The following LARGE1 variants were observed in gnomAD, a reference collection of about 807,000 sequenced individuals.
LARGE1 encodes the protein xylosyl- and glucuronyltransferase LARGE1.
LARGE1 carries 43 observed loss-of-function variants against 87.6 expected under a neutral mutation model. That is an observed-to-expected ratio of 0.49 (90% CI 0.38 to 0.63). The LOEUF is 0.63. Ranked by LOEUF, LARGE1 falls within the 30% of genes least tolerant of loss-of-function variation. The pLI, the probability that LARGE1 is intolerant of heterozygous loss-of-function variation, is 0.00. For missense variants in LARGE1, 802 were observed against 1,000.2 expected (o/e 0.80, Z 2.67); for synonymous variants, 434 against 394.6 (o/e 1.10, Z -1.18).
the LARGE1 span, among the ~76,000 whole-genome samples, chr22:33,097,453 G>A: frequency 1.3e-5 from 2 of 152,186 alleles, no homozygotes; most frequent in Admixed American, 6.5e-5. Flanking sequence ...GCCGTAAGGT[G>A]CACATCCAAC....
chr22:33,227,140 GTTATC>G (rs1292788902), intron 11 of LARGE1, among the ~76,000 whole-genome samples: 2 of 152,102 alleles, frequency 1.3e-5, no homozygotes, highest in Admixed American at 6.5e-5. Context: ...AATTTTTATA[GTTATC>G]TTATAAGATA....
intron 9 of LARGE1, among the ~76,000 whole-genome samples, chr22:33,356,980 A>C (rs1569089512): frequency 6.6e-6 from 1 of 152,232 alleles, no homozygotes; most frequent in Non-Finnish European, 1.5e-5. Context: ...AACTAAAAAC[A>C]GAGCTACCAT....
At chr22:33,697,877 A>G (rs1218792520) in intron 2 of LARGE1, among the ~76,000 whole-genome samples, 1 of 152,196 alleles carries the variant, frequency 6.6e-6, no homozygotes, top group Non-Finnish European at 1.5e-5. Flanking sequence ...CTGCTCAGGA[A>G]TGAGACACTG....
At chr22:33,136,899 A>T in the LARGE1 span, among the ~76,000 whole-genome samples, 250 of 151,338 alleles carry the variant, frequency 1.7e-3, no homozygotes, top group African/African-American at 5.7e-3. Context: ...GGGAGGAGAA[A>T]ACTGAAGCTG....
intron 7 of LARGE1, among the ~76,000 whole-genome samples, chr22:33,416,426 C>T (rs1369501340): frequency 6.6e-6 from 1 of 152,152 alleles, no homozygotes; most frequent in African/African-American, 2.4e-5. Flanking sequence ...CCCGTGCAGG[C>T]CTCCACTCTA....
intron 2 of LARGE1, among the ~76,000 whole-genome samples, chr22:33,661,975 A>G (rs1401019757): frequency 1.3e-5 from 2 of 149,926 alleles, no homozygotes; most frequent in Non-Finnish European, 3.0e-5. Context: ...AAAAATCTAG[A>G]GCAGGGGTGT....
chr22:33,264,637 C>T (rs550334597), intron 11 of LARGE1, among the ~76,000 whole-genome samples: 11 of 152,208 alleles, frequency 7.2e-5, no homozygotes, highest in Middle Eastern at 3.4e-3. Flanking sequence ...CCAGCCCGAG[C>T]GACAGAGTGA....
In LARGE1 at chr22:33,316,072, C is replaced by G; in HGVS notation, c.1451+13G>C. On this transcript the variant is annotated intron_variant, in intron 11 of 14. Transcript: ENST00000397394. The stretch of plus-strand genomic sequence containing the variant: ...GGTGAGGAGACTGGGGTGGGTGAGG[C>G]CGTCTGCCATACCTGTCCATGGACA... The G allele has an allele frequency of 6.2e-7, 1 of 1,613,102 alleles. No individual in the cohort carries two copies. Among genetic ancestry groups the G allele is most frequent in the Non-Finnish European group, 8.5e-7 (1 of 1,179,488 alleles).
the LARGE1 span, among the ~76,000 whole-genome samples, chr22:33,098,537 C>G: frequency 6.6e-6 from 1 of 152,150 alleles, no homozygotes; most frequent in Admixed American, 6.5e-5. Context: ...AGGAGAATGG[C>G]GTGAACCCAG....
intron 13 of LARGE1, among the ~76,000 whole-genome samples, chr22:33,281,182 G>A (rs567400072): frequency 1.2e-4 from 19 of 152,226 alleles, no homozygotes; most frequent in South Asian, 6.2e-4. Context: ...GACACAGCAG[G>A]CCACACCCCA....
chr22:33,712,106 A>G (rs1348667326), intron 2 of LARGE1, among the ~76,000 whole-genome samples: 1 of 152,044 alleles, frequency 6.6e-6, no homozygotes, highest in Non-Finnish European at 1.5e-5. Flanking sequence ...CAACCAAACC[A>G]CCCAACAAGT....
intron 11 of LARGE1, among the ~76,000 whole-genome samples, chr22:33,205,867 C>T (rs546221744): frequency 6.6e-6 from 1 of 152,168 alleles, no homozygotes; most frequent in South Asian, 2.1e-4. Flanking sequence ...GCAGCCTCCA[C>T]CTCCCAAGTC....
chr22:33,326,276 G>A (rs764350781), intron 10 of LARGE1, among the ~76,000 whole-genome samples: 3 of 152,128 alleles, frequency 2.0e-5, no homozygotes, highest in Non-Finnish European at 4.4e-5. Context: ...ATTAATTCAC[G>A]CATCACATAC....
intron 1 of LARGE1, among the ~76,000 whole-genome samples, chr22:33,836,424 G>A (rs547332917): frequency 6.6e-6 from 1 of 152,262 alleles, no homozygotes; most frequent in Admixed American, 6.5e-5. Flanking sequence ...GGTTCCCTCA[G>A]GCCAGCAGGA....
intron 11 of LARGE1, among the ~76,000 whole-genome samples, chr22:33,198,294 CTT>C (rs1478903690): frequency 6.6e-6 from 1 of 151,080 alleles, no homozygotes; most frequent in Non-Finnish European, 1.5e-5. Context: ...AGGAAAGACA[CTT>C]TTAAGACATC....
intron 1 of LARGE1, among the ~76,000 whole-genome samples, chr22:33,815,859 T>G (rs1601684417): frequency 6.6e-6 from 1 of 151,632 alleles, no homozygotes; most frequent in African/African-American, 2.4e-5. Flanking sequence ...GTGGGGAGAG[T>G]AAAATCACGA....
intron 9 of LARGE1, among the ~76,000 whole-genome samples, chr22:33,349,741 C>T (rs1940177744): frequency 6.6e-6 from 1 of 152,130 alleles, no homozygotes; most frequent in Admixed American, 6.5e-5. Flanking sequence ...ACATCTCTTT[C>T]AGCCATGGAA....
chr22:33,148,099 C>T, the LARGE1 span, among the ~76,000 whole-genome samples: 1 of 152,116 alleles, frequency 6.6e-6, no homozygotes, highest in Non-Finnish European at 1.5e-5. Context: ...GGGCCTGTTT[C>T]CTCTTTCTGA....
At chr22:33,250,358 T>C (rs751884844) in intron 11 of LARGE1, among the ~76,000 whole-genome samples, 6 of 152,238 alleles carry the variant, frequency 3.9e-5, no homozygotes, top group Non-Finnish European at 7.4e-5. Flanking sequence ...TTGATGTTTA[T>C]ACATTAACCT....
Sources: allele counts gnomAD v4.1 joint callset (sites outside exome capture counted in the v4.1 genomes callset), GRCh38; gene constraint gnomAD v4.1.1; transcripts MANE v1.5; gene names NCBI Gene and HGNC (gene_info 2026-07-23, HGNC 2026-07-21).